The following TECRL variants were observed in gnomAD, a reference collection of about 807,000 sequenced individuals.
The protein encoded by TECRL is trans-2,3-enoyl-CoA reductase-like.
A neutral mutation model predicts 52.8 loss-of-function variants in TECRL; 63 were observed. The ratio of observed to expected loss-of-function variants is 1.19; its 90% confidence interval spans 0.97 to 1.47. The LOEUF is 1.47. Ranked by LOEUF, TECRL falls within the 40% of genes most tolerant of loss-of-function variation. The probability of loss-of-function intolerance (pLI) is 0.00; values close to 1 mark genes in which losing one functional copy is unlikely to be tolerated. For synonymous variants in TECRL, 164 were observed against 141.9 expected (o/e 1.16, Z -1.10); for missense variants, 482 against 429.6 (o/e 1.12, Z -1.08).
At chr4:64,308,243 G>A (rs184988136) in intron 6 of TECRL, among the ~76,000 whole-genome samples, 178 of 152,204 alleles carry the variant, frequency 1.2e-3, no homozygotes, top group Middle Eastern at 0.01. Context: ...ATGTGGTTAA[G>A]AATTTCCTCT....
At position 64,305,459 on chromosome 4, in the gene TECRL, G is replaced by A. The variant is rs113257274; in HGVS notation, c.658-221C>T. On this transcript the variant is annotated intron_variant, in intron 6 of 11. Transcript: ENST00000381210. ...AATAGTGAGAGAGGAACCAGGTAGG[G>A]GCTGGTTAGGCAGGCAGAGAGGGAG... is the stretch of plus-strand genomic sequence containing the variant. Among the ~76,000 whole-genome samples the A allele has an allele frequency of 8.7e-3, 1,328 of 152,184 alleles. 17 individuals are homozygous for A. Among genetic ancestry groups the A allele is most frequent in the African/African-American group, 0.03 (1,263 of 41,516 alleles).
chr4:64,298,677 A>G (rs528057442), intron 8 of TECRL, among the ~76,000 whole-genome samples: 33 of 151,408 alleles, frequency 2.2e-4, no homozygotes, highest in African/African-American at 6.5e-4. Context: ...TGTCTTAATT[A>G]CACAGAAAAA....
At chr4:64,370,105 G>A (rs917153667) in intron 2 of TECRL, among the ~76,000 whole-genome samples, 10 of 151,848 alleles carry the variant, frequency 6.6e-5, no homozygotes, top group African/African-American at 2.4e-4. Flanking sequence ...GAAAGGTATA[G>A]GAATACTTTG....
At chr4:64,397,752 C>A (rs1214491104) in intron 1 of TECRL, 1 of 152,144 alleles carries the variant, frequency 6.6e-6, no homozygotes, top group Admixed American at 6.5e-5. Context: ...CCATGCTAAT[C>A]TCTTTATTGT....
In TECRL at chr4:64,403,475, GCACA is replaced by G. The variant is rs148711260; in HGVS notation, c.234+5639_234+5642del. Among the ~76,000 whole-genome samples, 1,026 of 148,326 alleles carry G rather than the reference GCACA, an allele frequency of 6.9e-3. 11 individuals carry two copies. The highest frequency in any genetic ancestry group is 0.024 in the African/African-American group (968 of 40,184). On this transcript the variant is annotated intron_variant, in intron 1 of 11. Transcript: ENST00000381210. The stretch of plus-strand genomic sequence containing the variant: ...AAACAATATTCTTCCCTCCCTGAGC[GCACA>G]CACACACACACACACACACACACAT...
chr4:64,309,441 A>G (rs1373217601), intron 6 of TECRL, among the ~76,000 whole-genome samples: 2 of 152,158 alleles, frequency 1.3e-5, no homozygotes, highest in African/African-American at 2.4e-5. Flanking sequence ...CATATTGACA[A>G]CTGCCATAAT....
At chr4:64,299,572 A>T (rs1285060957) in intron 8 of TECRL, among the ~76,000 whole-genome samples, 1 of 151,136 alleles carries the variant, frequency 6.6e-6, no homozygotes, top group Non-Finnish European at 1.5e-5. Flanking sequence ...AGGTTTCATT[A>T]AAAAGGCTAA....
intron 2 of TECRL, among the ~76,000 whole-genome samples, chr4:64,373,857 TAA>T (rs34983997): frequency 0.9 from 134,324 of 150,024 alleles, 60,831 homozygotes; most frequent in East Asian, 1. Context: ...TGTTTTATGC[TAA>T]GATAGAAATA....
At chr4:64,374,568 C>T (rs146778462) in intron 2 of TECRL, among the ~76,000 whole-genome samples, 1,967 of 152,078 alleles carry the variant, frequency 0.013, 19 homozygotes, top group Non-Finnish European at 0.02. Flanking sequence ...CCGCTCCCCC[C>T]ACCCCACCAC....
chr4:64,388,846 T>A (rs1324765287), intron 1 of TECRL, among the ~76,000 whole-genome samples: 1 of 151,854 alleles, frequency 6.6e-6, no homozygotes, highest in African/African-American at 2.4e-5. Context: ...AAATAACAAT[T>A]ACACATGATT....
intron 6 of TECRL, among the ~76,000 whole-genome samples, chr4:64,308,495 C>A (rs1360843641): frequency 6.6e-6 from 1 of 152,204 alleles, no homozygotes; most frequent in African/African-American, 2.4e-5. Context: ...CTACCCCTCC[C>A]CTTAGGGTGT....
chr4:64,281,400 A>C, intron 10 of TECRL, 74 bp downstream of exon 10: 1 of 863,438 alleles, frequency 1.2e-6, no homozygotes, highest in Admixed American at 2.6e-5. Flanking sequence ...TTTATAATAC[A>C]TGTAAATACA....
chr4:64,387,593 GT>G (rs919452290), intron 1 of TECRL, among the ~76,000 whole-genome samples: 8 of 151,932 alleles, frequency 5.3e-5, no homozygotes, highest in African/African-American at 1.4e-4. Flanking sequence ...CTGGATTTTG[GT>G]TTTTCTATAA....
In TECRL at chr4:64,409,262, C is replaced by T. The variant is rs1056139699; in HGVS notation, c.90G>A (p.Met30Ile). ...GTTTTGACAAAAAGTGAAAATTTCT[C>T]ATATCATCCTTCAGTATGAACCGTG... Reference protein sequence around the residue: ...RATRFILKDDMRNFHFLSKLV... With the variant: ...RATRFILKDDIRNFHFLSKLV... The change falls in exon 1 of 12, where the codon ATG becomes ATA. Residue 30 changes from methionine (M) to isoleucine (I), a missense_variant. Coordinates refer to ENST00000381210, the MANE Select transcript of TECRL (RefSeq NM_001010874.5). The T allele has an allele frequency of 6.2e-6, 10 of 1,611,332 alleles. No homozygotes were observed. Among genetic ancestry groups the T allele is most frequent in the South Asian group, 4.4e-5 (4 of 90,978 alleles).
chr4:64,315,767 G>T (rs1312443847), intron 4 of TECRL, among the ~76,000 whole-genome samples: 1 of 151,942 alleles, frequency 6.6e-6, no homozygotes. Context: ...ATATATGTGT[G>T]TAATTAAAAG....
intron 9 of TECRL, among the ~76,000 whole-genome samples, chr4:64,281,810 C>T (rs998898516): frequency 5.9e-5 from 9 of 151,840 alleles, no homozygotes; most frequent in African/African-American, 1.9e-4. Context: ...CTGCAGAGTA[C>T]ATAAGGATAA....
At chr4:64,402,577 T>G (rs559716283) in intron 1 of TECRL, among the ~76,000 whole-genome samples, 25 of 152,172 alleles carry the variant, frequency 1.6e-4, no homozygotes, top group Admixed American at 1.1e-3. Flanking sequence ...CAATACGGAA[T>G]GAATATGAAC....
chr4:64,298,567 GTAT>G (rs1240810724), intron 8 of TECRL, among the ~76,000 whole-genome samples: 10 of 150,776 alleles, frequency 6.6e-5, no homozygotes, highest in African/African-American at 2.2e-4. Context: ...TTATTTTATA[GTAT>G]TATCATACAC....
chr4:64,352,991 T>C (rs1720504386), intron 2 of TECRL, among the ~76,000 whole-genome samples: 1 of 152,172 alleles, frequency 6.6e-6, no homozygotes, highest in Non-Finnish European at 1.5e-5. Context: ...GTAGCTTGGA[T>C]TACAGGCACA....
Sources: allele counts gnomAD v4.1 joint callset (sites outside exome capture counted in the v4.1 genomes callset), GRCh38; gene constraint gnomAD v4.1.1; transcripts MANE v1.5; gene names NCBI Gene and HGNC (gene_info 2026-07-23, HGNC 2026-07-21).